The following CCNB1 variants were observed in gnomAD, a reference collection of about 807,000 sequenced individuals.
The protein encoded by CCNB1 is cyclin B1, also known as G2/mitotic-specific cyclin-B1.
CCNB1 carries 26 observed loss-of-function variants against 44.4 expected under a neutral mutation model. The ratio of observed to expected loss-of-function variants is 0.59; its 90% confidence interval spans 0.43 to 0.81. The LOEUF is 0.81. Among genes scored for constraint, CCNB1 ranks in the 40% least tolerant of loss-of-function variants. The pLI is 0.00. For missense variants in CCNB1, 477 were observed against 520.9 expected (o/e 0.92, Z 0.82); for synonymous variants, 195 against 181.4 (o/e 1.08, Z -0.60).
rs1274567672 is a variant in CCNB1 at position 69,167,232 on chromosome 5, C to T, written c.-31C>T. The stretch of plus-strand genomic sequence containing the variant: ...GGGCCTCCGGTGTTCTGCTTCTCCC[C>T]GCTGAGCTGCTGCCTGGTGAAGAGG... On this transcript the variant is annotated 5_prime_UTR_variant, in exon 1 of 9. Transcript: ENST00000256442. 6.4e-7 allele frequency: 1 copy of T among 1,556,360 alleles called. No homozygotes were observed. Among genetic ancestry groups the T allele is most frequent in the Non-Finnish European group, 8.7e-7 (1 of 1,150,784 alleles).
rs761646129 is a variant in CCNB1 at position 69,168,328 on chromosome 5, G to A, written c.348G>A (p.Ser116=). ...AGCCTGTTAAAGAAGAAAAACTTTC[G>A]CCTGAGCCTATTTTGGTAAACTTAT... ...EPEPVKEEKL[S]PEPILVDTAS... The change falls in exon 3 of 9, where the codon TCG becomes TCA. Residue 116 remains serine (S), a synonymous_variant. Coordinates refer to ENST00000256442, the MANE Select transcript of CCNB1 (RefSeq NM_031966.4). 8 of 1,613,996 alleles carry A rather than the reference G, an allele frequency of 5.0e-6. No homozygotes were observed. The highest frequency in any genetic ancestry group is 4.5e-5 in the East Asian group (2 of 44,898).
chr5:69,174,520 C>CGG (rs1747536535), intron 5 of CCNB1, 111 bp downstream of exon 5: 4 of 986,936 alleles, frequency 4.1e-6, no homozygotes, highest in South Asian at 3.1e-5. Flanking sequence ...TCCCAGCGGG[C>CGG]GGGTGGATCA....
Position 69,177,230 on chromosome 5 carries a change from T to C in CCNB1, c.1084-9T>C. The C allele has an allele frequency of 2.7e-6, 4 of 1,475,154 alleles. No individual in the cohort carries two copies. Among genetic ancestry groups the C allele is most frequent in the East Asian group, 2.3e-5 (1 of 43,916 alleles). 91.4% of individuals were successfully genotyped at this position (1,475,154 alleles called of 1,614,324 possible). ...TTTGAGCATTTTTAACATTAACTTG[T>C]TGCCTTAGACACCAACTCTACAACA... On this transcript the variant is annotated splice_polypyrimidine_tract_variant and intron_variant, in intron 7 of 8. Transcript: ENST00000256442.
intron 3 of CCNB1, 28 bp from the exon 4 acceptor site, chr5:69,171,242 C>T (rs776697767): frequency 6.4e-7 from 1 of 1,570,690 alleles, no homozygotes; most frequent in Non-Finnish European, 8.7e-7. Context: ...CTTCTATTTG[C>T]TATTTCAAGA....
In CCNB1 at chr5:69,177,249, TACA is replaced by T. The variant is rs1189349987; in HGVS notation, c.1098_1100del (p.Gln366del). The T allele has an allele frequency of 2.5e-6, 4 of 1,596,768 alleles. No individual in the cohort carries two copies. The highest frequency in any genetic ancestry group is 1.7e-6 in the Non-Finnish European group (2 of 1,165,572). On this transcript the variant is annotated inframe_deletion, in exon 8 of 9. Coordinates refer to ENST00000256442, the MANE Select transcript of CCNB1 (RefSeq NM_031966.4). Reference sequence around the variant, plus strand: ...AACTTGTTGCCTTAGACACCAACTCTACAACATTACCTGTCATATACTGAAGAA... The same window carrying T: ...AACTTGTTGCCTTAGACACCAACTCTACATTACCTGTCATATACTGAAGAA...
chr5:69,177,420 T>C lies in CCNB1; in HGVS notation c.1194+71T>C, dbSNP rs1580215000. 4 of 1,272,868 alleles carry C rather than the reference T, an allele frequency of 3.1e-6. No homozygotes were observed. In the East Asian group the frequency reaches 7.0e-5, roughly 22 times the overall value. The allele number at this position is 1,272,868 out of a possible 1,614,324, so 78.8% of individuals were successfully genotyped here. ...TTCAAACTTAATGCCTGCAAATGCC[T>C]GGTTTATTTTTAATGAGTTAATGTT... On this transcript the variant is annotated intron_variant, in intron 8 of 8. Coordinates refer to ENST00000256442, the MANE Select transcript of CCNB1 (RefSeq NM_031966.4).
At position 69,174,369 on chromosome 5, in the gene CCNB1, C is replaced by A; in HGVS notation, c.665C>A (p.Thr222Asn). 3 of 1,613,924 alleles carry A rather than the reference C, an allele frequency of 1.9e-6. No homozygotes were observed. Among genetic ancestry groups the A allele is most frequent in the Non-Finnish European group, 2.5e-6 (3 of 1,179,832 alleles). Residue 222 changes from threonine (T) to asparagine (N), a missense_variant, in exon 5 of 9, where the codon ACC (threonine) becomes AAC (asparagine). Thr to Asn is a moderately conservative substitution (Grantham distance 65). Transcript: ENST00000256442. ...VQMKFRLLQE[T>N]MYMTVSIIDR... ...ATGAAATTCAGGTTGTTGCAGGAGA[C>A]CATGTACATGACTGTCTCCATTATT...
intron 6 of CCNB1, 100 bp from the exon 7 acceptor site, chr5:69,175,297 T>C: frequency 1.7e-6 from 2 of 1,189,616 alleles, no homozygotes; most frequent in South Asian, 1.5e-5. Context: ...TTTGAGAGTT[T>C]GTAGACAAAC....
chr5:69,173,016 A>ATGAGGCCT (rs1747499717), intron 4 of CCNB1, among the ~76,000 whole-genome samples: 1 of 150,926 alleles, frequency 6.6e-6, no homozygotes, highest in Non-Finnish European at 1.5e-5. Flanking sequence ...CTCATGATCC[A>ATGAGGCCT]CCCGCCTTGG....
At position 69,174,877 on chromosome 5, in the gene CCNB1, A is replaced by T; in HGVS notation, c.706A>T (p.Asn236Tyr). The change falls in exon 6 of 9, where the codon AAT becomes TAT. Residue 236 changes from asparagine (N) to tyrosine (Y), a missense_variant and splice_region_variant. By Grantham distance (143) the Asn-to-Tyr change is moderately radical. Transcript: ENST00000256442. ...TVSIIDRFMQNNCVPKKMLQL... is the reference protein window; with the variant it reads ...TVSIIDRFMQYNCVPKKMLQL... The stretch of plus-strand genomic sequence containing the variant: ...CACCCTATTGAAATTCCCATTGCAG[A>T]ATAATTGTGTGCCCAAGAAGATGCT... 1 of 1,612,254 alleles carries T rather than the reference A, an allele frequency of 6.2e-7. No individual in the cohort carries two copies. Among genetic ancestry groups the T allele is most frequent in the Non-Finnish European group, 8.5e-7 (1 of 1,178,290 alleles).
At chr5:69,175,158 G>C (rs1426898799) in intron 6 of CCNB1, 45 bp downstream of exon 6, 1 of 1,370,550 alleles carries the variant, frequency 7.3e-7, no homozygotes, top group African/African-American at 1.4e-5. Context: ...ACATTAGGGG[G>C]AACACTGCTG....
chr5:69,167,153 GTGC>G lies in CCNB1; in HGVS notation c.-106_-104del. The G allele has an allele frequency of 1.1e-6, 1 of 882,834 alleles. No homozygotes were observed. Among genetic ancestry groups the G allele is most frequent in the Non-Finnish European group, 1.7e-6 (1 of 581,086 alleles). The allele number at this position is 882,834 out of a possible 1,614,324, so 54.7% of individuals were successfully genotyped here. A position where few individuals can be genotyped will look rare whatever the true frequency, so the allele number is the denominator to read the frequency against. On this transcript the variant is annotated 5_prime_UTR_variant, in exon 1 of 9. Coordinates refer to ENST00000256442, the MANE Select transcript of CCNB1 (RefSeq NM_031966.4). ...TGAGGCTAGGCTGGCTCTTCTCGGC[GTGC>G]TGCGGCGGAACGGCTGTTGGTTTCT...
At position 69,174,490 on chromosome 5, in the gene CCNB1, G is replaced by T. The variant is rs564860051; in HGVS notation, c.705+81G>T. 6 of 1,351,564 alleles carry T rather than the reference G, an allele frequency of 4.4e-6. No individual in the cohort carries two copies. The Admixed American group carries it at 5.6e-5, about 13-fold the overall frequency. 83.7% of individuals were successfully genotyped at this position (1,351,564 alleles called of 1,614,324 possible). A position where few individuals can be genotyped will look rare whatever the true frequency, so the allele number is the denominator to read the frequency against. The stretch of plus-strand genomic sequence containing the variant: ...CTGATGTTTTCAGGCCAGTCTGGGC[G>T]CAGTGGCTCATGCCTGTAATCCCAG... On this transcript the variant is annotated intron_variant, in intron 5 of 8. Transcript: ENST00000256442.
intron 4 of CCNB1, among the ~76,000 whole-genome samples, chr5:69,172,573 G>A (rs1747487719): frequency 6.6e-6 from 1 of 151,774 alleles, no homozygotes; most frequent in African/African-American, 2.4e-5. Flanking sequence ...TGTTTCTAAT[G>A]TGTTGTCTTA....
rs147067697 is a variant in CCNB1 at position 69,170,624 on chromosome 5, A to T, written c.364-646A>T. 7.8e-3 allele frequency among the ~76,000 whole-genome samples: 1,182 copies of T among 151,494 alleles called. 12 individuals are homozygous for T. Among genetic ancestry groups the T allele is most frequent in the African/African-American group, 0.027 (1,130 of 41,322 alleles). On this transcript the variant is annotated intron_variant, in intron 3 of 8. Coordinates refer to ENST00000256442, the MANE Select transcript of CCNB1 (RefSeq NM_031966.4). Reference sequence around the variant, plus strand: ...TGAATTTATTTGCTTCCAACTTTAAACTGACTCACTCTAAGTTGGCATTTC... The same window carrying T: ...TGAATTTATTTGCTTCCAACTTTAATCTGACTCACTCTAAGTTGGCATTTC...
chr5:69,169,193 C>T (rs1297833044), intron 3 of CCNB1, among the ~76,000 whole-genome samples: 1 of 152,106 alleles, frequency 6.6e-6, no homozygotes, highest in East Asian at 1.9e-4. Context: ...GCCTCAGCCT[C>T]CCTAGTAGCT....
Position 69,177,035 on chromosome 5 carries a change from A to G in CCNB1, c.1084-204A>G, listed in dbSNP as rs1195495781. The G allele has an allele frequency of 7.2e-6, 3 of 415,170 alleles. No individual in the cohort carries two copies. In the Admixed American group the frequency reaches 1.2e-4, roughly 17 times the overall value. The allele number at this position is 415,170 out of a possible 1,614,324, so 25.7% of individuals were successfully genotyped here. A position where few individuals can be genotyped will look rare whatever the true frequency, so the allele number is the denominator to read the frequency against. Reference sequence around the variant, plus strand: ...AGTCTAGTTTTAGGGTGGGCAAGTCAGCAATTACAAAAGTGCAATTAGGTT... The same window carrying G: ...AGTCTAGTTTTAGGGTGGGCAAGTCGGCAATTACAAAAGTGCAATTAGGTT... On this transcript the variant is annotated intron_variant, in intron 7 of 8. Coordinates refer to ENST00000256442, the MANE Select transcript of CCNB1 (RefSeq NM_031966.4).
chr5:69,170,473 G>C (rs559190514), intron 3 of CCNB1, among the ~76,000 whole-genome samples: 2 of 152,198 alleles, frequency 1.3e-5, no homozygotes, highest in Non-Finnish European at 2.9e-5. Context: ...GTGTTGAGTA[G>C]TGAGAAGCAG....
In CCNB1 at chr5:69,174,727, T is replaced by G. The variant is rs188592438; in HGVS notation, c.706-150T>G. On this transcript the variant is annotated intron_variant, in intron 5 of 8. Transcript: ENST00000256442. ...GAGACTCAAAAAAAAAAGAAAGAAA[T>G]AAACTGACTTTTTCAACTAAAATCT... 243 of 739,234 alleles carry G rather than the reference T, an allele frequency of 3.3e-4. 1 individual carries two copies. Among genetic ancestry groups the G allele is most frequent in the Middle Eastern group, 2.8e-3 (11 of 3,980 alleles). The allele number at this position is 739,234 out of a possible 1,614,324, so 45.8% of individuals were successfully genotyped here.
Sources: gnomAD v4.1 joint callset for allele counts (sites outside exome capture counted in the v4.1 genomes callset) on GRCh38, gnomAD v4.1.1 for gene constraint, MANE v1.5 for transcripts, NCBI Gene and HGNC (gene_info 2026-07-23, HGNC 2026-07-21) for gene names.